CHMP5: variants seen among roughly 807,000 people sequenced by gnomAD.
The protein encoded by CHMP5 is SNF7 domain containing 2.
Under a neutral mutation model 33.0 loss-of-function variants are expected in CHMP5, and 17 were observed. That is an observed-to-expected ratio of 0.52 (90% CI 0.35 to 0.77). The LOEUF (loss-of-function observed/expected upper bound fraction) is 0.77. Among genes scored for constraint, CHMP5 ranks in the 30% least tolerant of loss-of-function variants. The pLI is 0.01. For missense variants in CHMP5, 216 were observed against 261.5 expected, an observed-to-expected ratio of 0.83 and a Z score of 1.20; for synonymous variants, 76 against 90.2, an observed-to-expected ratio of 0.84 and a Z score of 0.89.
In CHMP5 at chr9:33,281,143, T is replaced by C. The variant is rs150193014; in HGVS notation, c.*284T>C. On this transcript the variant is annotated 3_prime_UTR_variant, in exon 8 of 8. Transcript: ENST00000223500. ...TTCATTCATTAATAATAATTTGAAATAAAACTAAGGAAATGGAATCTTAAA... is the reference window on the plus strand; with the variant it reads ...TTCATTCATTAATAATAATTTGAAACAAAACTAAGGAAATGGAATCTTAAA... 8.0e-4 allele frequency: 265 copies of C among 331,436 alleles called. 1 individual carries two copies. The highest frequency in any genetic ancestry group is 4.9e-3 in the African/African-American group (230 of 46,588). 20.5% of individuals were successfully genotyped at this position (331,436 alleles called of 1,614,324 possible). A position where few individuals can be genotyped will look rare whatever the true frequency, so the allele number is the denominator to read the frequency against.
intron 2 of CHMP5, among the ~76,000 whole-genome samples, chr9:33,266,608 G>T (rs902573305): frequency 6.6e-6 from 1 of 152,210 alleles, no homozygotes; most frequent in Admixed American, 6.5e-5. Context: ...ATGGAAGGGA[G>T]GCTGGGGATT....
At chr9:33,271,589 A>G (rs1237619986) in intron 5 of CHMP5, among the ~76,000 whole-genome samples, 1 of 152,232 alleles carries the variant, frequency 6.6e-6, no homozygotes, top group African/African-American at 2.4e-5. Flanking sequence ...ACACTTTATT[A>G]TGAAATAGGC....
chr9:33,270,301 C>T (rs534964994), intron 3 of CHMP5, among the ~76,000 whole-genome samples: 2 of 152,272 alleles, frequency 1.3e-5, no homozygotes, highest in South Asian at 2.1e-4. Context: ...GTGGGCTATA[C>T]CACCTAGGTT....
chr9:33,271,048 G>A (rs1820788129), intron 4 of CHMP5, 104 bp from the exon 5 acceptor site: 1 of 898,016 alleles, frequency 1.1e-6, no homozygotes, highest in Non-Finnish European at 1.7e-6. Flanking sequence ...TCCAGCCTGG[G>A]CAGCAAGAGT....
chr9:33,280,086 C>T (rs1411301348), intron 7 of CHMP5, among the ~76,000 whole-genome samples: 2 of 151,990 alleles, frequency 1.3e-5, no homozygotes, highest in African/African-American at 4.8e-5. Flanking sequence ...AAGCAATCCA[C>T]CCACCTCAGC....
chr9:33,267,090 C>G (rs1820736295), intron 2 of CHMP5, among the ~76,000 whole-genome samples: 1 of 152,192 alleles, frequency 6.6e-6, no homozygotes, highest in Non-Finnish European at 1.5e-5. Context: ...CTGTGTACCA[C>G]TATGTCTAGG....
At chr9:33,278,565 T>G (rs1371345693) in intron 7 of CHMP5, among the ~76,000 whole-genome samples, 1 of 152,184 alleles carries the variant, frequency 6.6e-6, no homozygotes, top group Non-Finnish European at 1.5e-5. Flanking sequence ...TAGGCAGCAG[T>G]GAAAAAGTCT....
intron 5 of CHMP5, among the ~76,000 whole-genome samples, chr9:33,271,973 T>C (rs1820799501): frequency 6.6e-6 from 1 of 152,224 alleles, no homozygotes; most frequent in South Asian, 2.1e-4. Flanking sequence ...ATGTAAAATG[T>C]TTAACCCAAC....
intron 7 of CHMP5, among the ~76,000 whole-genome samples, chr9:33,280,369 T>C (rs1564088753): frequency 6.6e-6 from 1 of 152,186 alleles, no homozygotes; most frequent in Non-Finnish European, 1.5e-5. Context: ...TCGCTGCCTA[T>C]GATTATAGTA....
At chr9:33,278,839 C>G (rs755217460) in intron 7 of CHMP5, among the ~76,000 whole-genome samples, 1 of 152,116 alleles carries the variant, frequency 6.6e-6, no homozygotes, top group Non-Finnish European at 1.5e-5. Flanking sequence ...CAGATAATTA[C>G]AAGTATCTCA....
At chr9:33,274,321 T>A (rs540099113) in intron 5 of CHMP5, among the ~76,000 whole-genome samples, 5 of 152,258 alleles carry the variant, frequency 3.3e-5, no homozygotes, top group Admixed American at 2.0e-4. Flanking sequence ...TGATCCGCCC[T>A]CTTTTGCCTC....
intron 2 of CHMP5, among the ~76,000 whole-genome samples, chr9:33,267,520 A>G (rs1179459534): frequency 6.6e-6 from 1 of 152,178 alleles, no homozygotes; most frequent in Non-Finnish European, 1.5e-5. Flanking sequence ...GGTTAAGTTG[A>G]TGGGCTGTAC....
chr9:33,266,116 T>A lies in CHMP5; in HGVS notation c.174+2T>A. 6.2e-7 allele frequency: 1 copy of A among 1,600,872 alleles called. No homozygotes were observed. Among genetic ancestry groups the A allele is most frequent in the Non-Finnish European group, 8.6e-7 (1 of 1,168,642 alleles). On this transcript the variant is annotated splice_donor_variant, in intron 2 of 7. Transcript: ENST00000223500. LOFTEE classifies it high-confidence loss of function. ...AAGATGAGAGAGGGTCCTGCAAAGG[T>A]AAGGTGGGCAGCAACTGCTGCACAA...
At chr9:33,266,792 C>G (rs550187478) in intron 2 of CHMP5, among the ~76,000 whole-genome samples, 1 of 152,280 alleles carries the variant, frequency 6.6e-6, no homozygotes, top group South Asian at 2.1e-4. Context: ...GAGTGGCCTG[C>G]TGGGAAAAAC....
At chr9:33,278,870 A>G (rs1170955441) in intron 7 of CHMP5, among the ~76,000 whole-genome samples, 4 of 152,168 alleles carry the variant, frequency 2.6e-5, no homozygotes, top group African/African-American at 9.7e-5. Context: ...GTGCAAGCAA[A>G]TTAGATCTTG....
At chr9:33,268,598 T>G (rs764416089) in intron 3 of CHMP5, among the ~76,000 whole-genome samples, 37 of 152,258 alleles carry the variant, frequency 2.4e-4, no homozygotes, top group Non-Finnish European at 4.3e-4. Context: ...CTTCCTCCTT[T>G]TAGATTAGAT....
intron 2 of CHMP5, among the ~76,000 whole-genome samples, chr9:33,266,676 ATAT>A (rs1185745646): frequency 6.6e-6 from 1 of 152,218 alleles, no homozygotes; most frequent in East Asian, 1.9e-4. Context: ...GAGAATTAGC[ATAT>A]TATACTGAGA....
chr9:33,276,545 T>G lies in CHMP5; in HGVS notation c.477T>G (p.Asp159Glu). The change falls in exon 6 of 8, where the codon GAT becomes GAG. Residue 159 changes from aspartate to glutamate, a missense_variant. Transcript: ENST00000223500. ...LSRSYGTPELDEDDLEAELDA... is the reference protein window; with the variant it reads ...LSRSYGTPELEEDDLEAELDA... ...GCAGTTATGGCACCCCAGAACTGGA[T>G]GAAGATGATTTAGAAGCAGGTAAGT... is the stretch of plus-strand genomic sequence containing the variant. The G allele has an allele frequency of 6.2e-7, 1 of 1,602,560 alleles. No homozygotes were observed. Among genetic ancestry groups the G allele is most frequent in the Non-Finnish European group, 8.5e-7 (1 of 1,170,406 alleles).
At chr9:33,275,355 A>G (rs913224557) in intron 5 of CHMP5, among the ~76,000 whole-genome samples, 3 of 151,986 alleles carry the variant, frequency 2.0e-5, no homozygotes, top group African/African-American at 7.3e-5. Context: ...GATTATTCAC[A>G]CAGGGTTTAT....
Sources: allele counts gnomAD v4.1 joint callset (sites outside exome capture counted in the v4.1 genomes callset), GRCh38; gene constraint gnomAD v4.1.1; transcripts MANE v1.5; gene names NCBI Gene and HGNC (gene_info 2026-07-23, HGNC 2026-07-21).